Variants in IQCM observed in about 807,000 individuals in gnomAD.
IQCM encodes IQ motif containing M, also known as IQ domain-containing protein M.
In IQCM, 45 loss-of-function variants were observed where a neutral mutation model predicts 57.6. That is an observed-to-expected ratio of 0.78 (90% confidence interval 0.62 to 1.00). IQCM has a LOEUF of 1.00. IQCM is among the 50% of genes least tolerant of loss of function. The pLI is 0.00. For missense variants in IQCM, 468 were observed against 511.6 expected, an observed-to-expected ratio of 0.91 and a Z score of 0.82; for synonymous variants, 148 against 158.9, an observed-to-expected ratio of 0.93 and a Z score of 0.51.
intron 12 of IQCM, among the ~76,000 whole-genome samples, chr4:149,449,405 TTA>T (rs945492212): frequency 3.1e-4 from 45 of 144,808 alleles, no homozygotes; most frequent in African/African-American, 5.0e-4. Context: ...ATATTTATAT[TTA>T]TATATATATA....
chr4:149,415,309 G>T (rs1733667395), intron 13 of IQCM, among the ~76,000 whole-genome samples: 1 of 152,178 alleles, frequency 6.6e-6, no homozygotes. Context: ...ATATGAAAGA[G>T]AACCTGCCAT....
intron 7 of IQCM, among the ~76,000 whole-genome samples, chr4:149,638,324 A>G (rs1244569832): frequency 6.6e-6 from 1 of 152,170 alleles, no homozygotes; most frequent in Non-Finnish European, 1.5e-5. Flanking sequence ...GGCTGATGAG[A>G]GTGTAAAATG....
intron 3 of IQCM, among the ~76,000 whole-genome samples, chr4:149,740,664 G>A (rs990534400): frequency 2.3e-5 from 3 of 133,224 alleles, no homozygotes; most frequent in African/African-American, 8.7e-5. Context: ...TGTGCCTTGG[G>A]GGTGCTTCCT....
intron 3 of IQCM, among the ~76,000 whole-genome samples, chr4:149,741,627 G>A (rs1303141935): frequency 6.6e-6 from 1 of 152,152 alleles, no homozygotes; most frequent in Non-Finnish European, 1.5e-5. Flanking sequence ...ATCATACACT[G>A]TCAGGGGTAA....
chr4:149,621,810 C>T (rs1319387533), intron 7 of IQCM, among the ~76,000 whole-genome samples: 3 of 151,930 alleles, frequency 2.0e-5, no homozygotes, highest in African/African-American at 7.2e-5. Context: ...AACCATTTTT[C>T]TTTAATCATA....
At chr4:149,519,134 AG>A (rs1381107096) in intron 12 of IQCM, among the ~76,000 whole-genome samples, 1 of 152,200 alleles carries the variant, frequency 6.6e-6, no homozygotes, top group African/African-American at 2.4e-5. Context: ...TTCTGAATCG[AG>A]TAAAAGCAAA....
chr4:149,416,393 T>C (rs577899743), intron 13 of IQCM, among the ~76,000 whole-genome samples: 33 of 152,282 alleles, frequency 2.2e-4, no homozygotes, highest in Admixed American at 1.7e-3. Flanking sequence ...ATTCATTTGT[T>C]TAAATAAAAG....
intron 13 of IQCM, among the ~76,000 whole-genome samples, chr4:149,361,233 A>C (rs950062905): frequency 6.6e-6 from 1 of 152,176 alleles, no homozygotes; most frequent in African/African-American, 2.4e-5. Context: ...TGTTAGAGGT[A>C]TTCAGTTTTA....
At chr4:149,769,567 A>T (rs1274929441) in intron 2 of IQCM, among the ~76,000 whole-genome samples, 1 of 152,060 alleles carries the variant, frequency 6.6e-6, no homozygotes, top group Non-Finnish European at 1.5e-5. Flanking sequence ...AAAAAAAAAA[A>T]AGTTTAAAAG....
At chr4:149,426,924 C>T (rs1463922233) in intron 13 of IQCM, among the ~76,000 whole-genome samples, 1 of 151,958 alleles carries the variant, frequency 6.6e-6, no homozygotes, top group Non-Finnish European at 1.5e-5. Context: ...CTGGCTACCA[C>T]TCTTCCTGAA....
At chr4:149,799,538 G>A (rs1018589515) in intron 2 of IQCM, among the ~76,000 whole-genome samples, 11 of 151,634 alleles carry the variant, frequency 7.3e-5, no homozygotes, top group Non-Finnish European at 1.3e-4. Flanking sequence ...AAAGATCAAT[G>A]AGACAAAAAG....
intron 12 of IQCM, among the ~76,000 whole-genome samples, chr4:149,539,494 C>G (rs905527665): frequency 6.6e-6 from 1 of 152,172 alleles, no homozygotes; most frequent in Non-Finnish European, 1.5e-5. Flanking sequence ...TGCACATTTA[C>G]TAAAAATCAT....
At chr4:149,403,371 C>G (rs1732751776) in intron 13 of IQCM, among the ~76,000 whole-genome samples, 2 of 151,950 alleles carry the variant, frequency 1.3e-5, no homozygotes, top group South Asian at 4.1e-4. Context: ...TTTTTCAAAA[C>G]AGTAAATCCT....
At chr4:149,400,166 T>C (rs1022113234) in intron 13 of IQCM, among the ~76,000 whole-genome samples, 1 of 151,496 alleles carries the variant, frequency 6.6e-6, no homozygotes, top group African/African-American at 2.4e-5. Context: ...GAGAAGAGAA[T>C]GTGAGTAGGT....
chr4:149,624,466 G>T (rs1756625419), intron 7 of IQCM, among the ~76,000 whole-genome samples: 1 of 152,002 alleles, frequency 6.6e-6, no homozygotes, highest in Admixed American at 6.6e-5. Flanking sequence ...TATTTACACA[G>T]GTGGGAGACA....
chr4:149,527,507 C>A (rs1273505250), intron 12 of IQCM, among the ~76,000 whole-genome samples: 3 of 152,222 alleles, frequency 2.0e-5, no homozygotes, highest in Non-Finnish European at 4.4e-5. Context: ...TCACCAGACA[C>A]TGAATTTGGC....
chr4:149,810,685 C>T (rs1014016617), intron 2 of IQCM, among the ~76,000 whole-genome samples: 2 of 151,964 alleles, frequency 1.3e-5, no homozygotes, highest in African/African-American at 2.4e-5. Flanking sequence ...CCCCTAACCT[C>T]GTGATCTGCC....
intron 8 of IQCM, among the ~76,000 whole-genome samples, chr4:149,594,088 G>A (rs190962929): frequency 2.2e-4 from 33 of 152,176 alleles, no homozygotes; most frequent in Admixed American, 3.9e-4. Flanking sequence ...ATCCGGTCCC[G>A]GACTATTTTT....
At chr4:149,812,338 A>G (rs977060172) in intron 2 of IQCM, among the ~76,000 whole-genome samples, 1 of 152,146 alleles carries the variant, frequency 6.6e-6, no homozygotes, top group Non-Finnish European at 1.5e-5. Context: ...GAGGATGGGA[A>G]TGAGCACCAG....
Sources: gnomAD v4.1 joint callset for allele counts (sites outside exome capture counted in the v4.1 genomes callset) on GRCh38, gnomAD v4.1.1 for gene constraint, MANE v1.5 for transcripts, NCBI Gene and HGNC (gene_info 2026-07-23, HGNC 2026-07-21) for gene names.